The following TXNDC8 variants were observed in gnomAD, a reference collection of about 807,000 sequenced individuals.
The protein encoded by TXNDC8 is thioredoxin domain containing 8, also known as thioredoxin domain-containing protein 8.
Under a neutral mutation model 12.9 loss-of-function variants are expected in TXNDC8, and 15 were observed. That is an observed-to-expected ratio of 1.16 (90% CI 0.78 to 1.79). TXNDC8 has a LOEUF of 1.79. Among genes scored for constraint, TXNDC8 ranks in the 40% most tolerant of loss-of-function variants. The probability of loss-of-function intolerance (pLI) is 0.00; values close to 1 mark genes in which losing one functional copy is unlikely to be tolerated. For missense variants in TXNDC8, 128 were observed against 113.2 expected, an observed-to-expected ratio of 1.13 and a Z score of -0.59; for synonymous variants, 40 against 35.4, an observed-to-expected ratio of 1.13 and a Z score of -0.46.
At chr9:110,309,664 C>A (rs2118722404) in intron 3 of TXNDC8, among the ~76,000 whole-genome samples, 1 of 152,106 alleles carries the variant, frequency 6.6e-6, no homozygotes, top group East Asian at 1.9e-4. Flanking sequence ...AAGGCTTATC[C>A]AGGAAACACA....
chr9:110,312,930 C>T (rs191676115), intron 3 of TXNDC8, among the ~76,000 whole-genome samples: 30 of 152,246 alleles, frequency 2.0e-4, no homozygotes, highest in African/African-American at 3.9e-4. Context: ...GACAGAGTCT[C>T]GCTGTTGCCC....
chr9:110,329,240 T>G, intron 2 of TXNDC8: 1 of 1,612,268 alleles, frequency 6.2e-7, no homozygotes. Flanking sequence ...ACCGGAGAAT[T>G]GTTCACATCC....
At chr9:110,327,751 T>C (rs531956739) in intron 2 of TXNDC8, among the ~76,000 whole-genome samples, 16 of 152,326 alleles carry the variant, frequency 1.1e-4, no homozygotes, top group South Asian at 4.1e-4. Flanking sequence ...AAATCTATTT[T>C]GCTTACTGTG....
At chr9:110,308,485 T>G (rs775764183) in intron 3 of TXNDC8, among the ~76,000 whole-genome samples, 1 of 152,036 alleles carries the variant, frequency 6.6e-6, no homozygotes, top group Non-Finnish European at 1.5e-5. Flanking sequence ...TTGTTGTTGT[T>G]GTTTGTTCTT....
intron 2 of TXNDC8, 38 bp downstream of exon 3, chr9:110,329,194 G>A (rs1177236212): frequency 6.4e-7 from 1 of 1,571,448 alleles, no homozygotes; most frequent in Non-Finnish European, 8.7e-7. Flanking sequence ...AATGCCTTTG[G>A]ATTTTGAGTA....
intron 3 of TXNDC8, chr9:110,323,622 A>C (rs1839194192): frequency 9.4e-6 from 3 of 319,186 alleles, no homozygotes; most frequent in East Asian, 1.4e-4. Context: ...TATGTTCATC[A>C]GAATTTTTTG....
At chr9:110,305,806 T>C (rs10980312) in intron 3 of TXNDC8, among the ~76,000 whole-genome samples, 13,830 of 81,564 alleles carry the variant, frequency 0.17, 1,497 homozygotes, top group East Asian at 0.53. Context: ...TCTTTTCTTT[T>C]CTTTCCTTTC....
chr9:110,323,863 G>A, intron 3 of TXNDC8: 1 of 1,549,824 alleles, frequency 6.5e-7, no homozygotes, highest in Non-Finnish European at 8.7e-7. Flanking sequence ...GATATCAAAG[G>A]AGAAGGTTAT....
intron 3 of TXNDC8, among the ~76,000 whole-genome samples, chr9:110,306,324 T>G (rs1314088049): frequency 6.6e-6 from 1 of 152,232 alleles, no homozygotes; most frequent in Admixed American, 6.5e-5. Context: ...ATGTTTTACC[T>G]TGGTCAGCTT....
intron 3 of TXNDC8, among the ~76,000 whole-genome samples, chr9:110,306,522 T>C (rs1177460760): frequency 6.6e-6 from 1 of 152,200 alleles, no homozygotes; most frequent in Non-Finnish European, 1.5e-5. Context: ...CGTAATTTTG[T>C]CCTGTCTCCC....
chr9:110,306,484 A>G (rs554333154), intron 3 of TXNDC8, among the ~76,000 whole-genome samples: 2 of 152,228 alleles, frequency 1.3e-5, no homozygotes, highest in African/African-American at 4.8e-5. Context: ...CCCCATCACC[A>G]TACAATCCAA....
At chr9:110,309,179 G>A (rs1838568059) in intron 3 of TXNDC8, among the ~76,000 whole-genome samples, 1 of 151,850 alleles carries the variant, frequency 6.6e-6, no homozygotes, top group Non-Finnish European at 1.5e-5. Context: ...TTGCATAAGA[G>A]ACTGAATTTT....
chr9:110,323,981 T>G (rs775920147), intron 3 of TXNDC8: 24 of 1,550,652 alleles, frequency 1.5e-5, no homozygotes, highest in Non-Finnish European at 2.1e-5. Context: ...CACTGGTTGG[T>G]GTAGGCCTGG....
chr9:110,330,826 CA>C (rs1239238256), intron 2 of TXNDC8, among the ~76,000 whole-genome samples: 5 of 152,288 alleles, frequency 3.3e-5, no homozygotes, highest in African/African-American at 9.6e-5. Context: ...TTGTCTTTTA[CA>C]GGAAAAGTTT....
intron 3 of TXNDC8, among the ~76,000 whole-genome samples, chr9:110,309,649 A>T (rs551081686): frequency 1.3e-5 from 2 of 152,276 alleles, no homozygotes; most frequent in African/African-American, 2.4e-5. Flanking sequence ...AAAGTAATTT[A>T]AAAAAAGGCT....
In TXNDC8 at chr9:110,337,628, A is replaced by G. The variant is rs1588000557; in HGVS notation, c.24+145T>C. The G allele has an allele frequency of 9.4e-6, 7 of 743,782 alleles. No homozygotes were observed. The East Asian group carries it at 2.0e-4, about 21-fold the overall frequency. 46.1% of individuals were successfully genotyped at this position (743,782 alleles called of 1,614,324 possible). A position where few individuals can be genotyped will look rare whatever the true frequency, so the allele number is the denominator to read the frequency against. On this transcript the variant is annotated intron_variant, in intron 1 of 4. Transcript: ENST00000423740. ...ATAGTACCATCCCTCAAGGAACAAG[A>G]TAAAGAACAAGAATTTAGAACTCTC...
At chr9:110,304,390 C>G (rs1319259489) in intron 4 of TXNDC8, 77 bp downstream of exon 5, 3 of 1,345,350 alleles carry the variant, frequency 2.2e-6, no homozygotes, top group Non-Finnish European at 3.1e-6. Context: ...CAGCATTCTG[C>G]CTGAGTGTGT....
intron 3 of TXNDC8, among the ~76,000 whole-genome samples, chr9:110,315,124 T>G (rs1838835259): frequency 6.6e-6 from 1 of 152,134 alleles, no homozygotes; most frequent in Non-Finnish European, 1.5e-5. Flanking sequence ...GTTTTGTTTT[T>G]TTGGCTCTTG....
Position 110,329,300 on chromosome 9 carries a change from T to TA in TXNDC8, c.130-3061dup. 6.3e-7 allele frequency: 1 copy of TA among 1,596,798 alleles called. No homozygotes were observed. The highest frequency in any genetic ancestry group is 8.5e-7 in the Non-Finnish European group (1 of 1,170,182). ...TATTTCACAGACATAGCCTTCAAAA[T>TA]AAAAAATAAATATTTCCCATTAGTT... On this transcript the variant is annotated intron_variant, in intron 2 of 4. Coordinates refer to ENST00000423740, the MANE Select transcript of TXNDC8 (RefSeq NM_001286946.2).
Sources: gnomAD v4.1 joint callset for allele counts (sites outside exome capture counted in the v4.1 genomes callset) on GRCh38, gnomAD v4.1.1 for gene constraint, MANE v1.5 for transcripts, NCBI Gene and HGNC (gene_info 2026-07-23, HGNC 2026-07-21) for gene names.